ZDHHC1: variants seen among roughly 807,000 people sequenced by gnomAD.
ZDHHC1 encodes the protein zDHHC palmitoyltransferase 1, also known as palmitoyltransferase ZDHHC1.
A neutral mutation model predicts 46.9 loss-of-function variants in ZDHHC1; 45 were observed. The ratio of observed to expected loss-of-function variants is 0.96; its 90% CI spans 0.76 to 1.23. ZDHHC1 has a LOEUF of 1.23. Among genes scored for constraint, ZDHHC1 ranks in the 50% most tolerant of loss-of-function variants. ZDHHC1 has a pLI of 0.00. For missense variants in ZDHHC1, 649 were observed against 670.8 expected (o/e 0.97, Z 0.36); for synonymous variants, 291 against 286.0 (o/e 1.02, Z -0.18).
intron 3 of ZDHHC1, chr16:67,404,595 C>T (rs2040618327): frequency 2.3e-6 from 1 of 437,436 alleles, no homozygotes; most frequent in Non-Finnish European, 4.6e-6. Flanking sequence ...ACCCTGAATG[C>T]GGAGACAAAG....
In ZDHHC1 at chr16:67,401,992, C is replaced by G. The variant is rs1031204045; in HGVS notation, c.253-860G>C. On this transcript the variant is annotated intron_variant, in intron 3 of 11. Transcript: ENST00000565726. The surrounding 1 kb of genome is among the most constrained non-coding windows in gnomAD (Gnocchi z 4.6). ...ACATCATCCCTCCATCATTCATGCT[C>G]TACCCATCATCCATCTGCCATCCTT... Among the ~76,000 whole-genome samples, 3 of 152,238 alleles carry G rather than the reference C, an allele frequency of 2.0e-5. No individual in the cohort carries two copies. Among genetic ancestry groups the G allele is most frequent in the African/African-American group, 7.2e-5 (3 of 41,460 alleles).
chr16:67,415,282 A>C (rs1204470644), intron 1 of ZDHHC1, among the ~76,000 whole-genome samples: 1 of 151,956 alleles, frequency 6.6e-6, no homozygotes, highest in African/African-American at 2.4e-5. Flanking sequence ...AAATAGTAAG[A>C]CCTCATCTCT....
intron 2 of ZDHHC1, among the ~76,000 whole-genome samples, chr16:67,407,087 C>T (rs1037263047): frequency 2.6e-5 from 4 of 152,206 alleles, no homozygotes; most frequent in Non-Finnish European, 5.9e-5. Flanking sequence ...GAAATGACCA[C>T]GTTTCTCTAA....
At position 67,414,939 on chromosome 16, in the gene ZDHHC1, C is replaced by A. The variant is rs377567191; in HGVS notation, c.-39+1232G>T. ...ATCACCTGAGGTCAGGAGTTCAAGA[C>A]CAGCCTGGCCAACATGTTGAAACCC... On this transcript the variant is annotated intron_variant, in intron 1 of 11. Coordinates refer to ENST00000565726, the MANE Select transcript of ZDHHC1 (RefSeq NM_001323627.2). Among the ~76,000 whole-genome samples the A allele has an allele frequency of 1.1e-3, 174 of 152,172 alleles. 4 individuals carry two copies. The South Asian group carries it at 0.034, about 30-fold the overall frequency.
At position 67,406,258 on chromosome 16, in the gene ZDHHC1, A is replaced by C. The variant is rs893548086; in HGVS notation, c.194T>G (p.Ile65Ser). The change falls in exon 3 of 12, where the codon ATC (isoleucine) becomes AGC (serine). Residue 65 changes from isoleucine (I) to serine (S), a missense_variant. Transcript: ENST00000565726. The surrounding 1 kb of genome is among the most constrained non-coding windows in gnomAD (Gnocchi z 4.1). ...GAGGGGAACAAGGATCCCAAAGCCG[A>C]TCACAGCAAAGAAGAGGTACAGCAG... ...AWLLYLFFAV[I>S]GFGILVPLLP... 8 of 1,612,746 alleles carry C rather than the reference A, an allele frequency of 5.0e-6. No homozygotes were observed. Among genetic ancestry groups the C allele is most frequent in the Non-Finnish European group, 1.7e-6 (2 of 1,179,604 alleles).
Position 67,399,445 on chromosome 16 carries a change from G to C in ZDHHC1, c.440C>G (p.Ser147Cys). The C allele has an allele frequency of 2.5e-6, 4 of 1,612,138 alleles. No individual in the cohort carries two copies. Among genetic ancestry groups the C allele is most frequent in the Admixed American group, 1.7e-5 (1 of 59,948 alleles). The change falls in exon 5 of 12, where the codon TCC becomes TGC. Residue 147 changes from serine to cysteine, a missense_variant. By Grantham distance (112) the Ser-to-Cys change is moderately radical. Coordinates refer to ENST00000565726, the MANE Select transcript of ZDHHC1 (RefSeq NM_001323627.2). ...CTTGTTGCAGGCGCTGCAGTGCTTG[G>C]AGCGAGCGCTCCTGCAGGGAGAGGG... is the stretch of plus-strand genomic sequence containing the variant. The part of the protein sequence containing the change: ...NLCNVDVSAR[S>C]KHCSACNKCV...
chr16:67,395,258 G>T lies in ZDHHC1; in HGVS notation c.1033C>A (p.Arg345Ser), dbSNP rs776021982. Residue 345 changes from arginine (R) to serine (S), a missense_variant, in exon 10 of 12, where the codon CGT becomes AGT. By Grantham distance (110) the Arg-to-Ser change is moderately radical (BLOSUM62 -1). Coordinates refer to ENST00000565726, the MANE Select transcript of ZDHHC1 (RefSeq NM_001323627.2). ...GGTGGTGGAGGTTCCGCTTGGCCAC[G>T]GGTGGCAAGAAACTGGGAGGGACTG... ...NANPSQFLAT[R>S]GQAEPPPPSS... 7 of 1,577,442 alleles carry T rather than the reference G, an allele frequency of 4.4e-6. No individual in the cohort carries two copies. The South Asian group carries it at 8.0e-5, about 18-fold the overall frequency.
At chr16:67,395,624 G>A (rs990851506) in intron 8 of ZDHHC1, 58 bp from the exon 9 acceptor site, 22 of 1,511,960 alleles carry the variant, frequency 1.5e-5, no homozygotes, top group Non-Finnish European at 1.9e-5. Context: ...CGAGCCTGCT[G>A]AGCCCTAAGC....
chr16:67,412,818 A>C (rs1297797346), intron 1 of ZDHHC1, among the ~76,000 whole-genome samples: 4 of 150,174 alleles, frequency 2.7e-5, no homozygotes, highest in African/African-American at 9.8e-5. Context: ...TTTTTTTTTT[A>C]AGACGGAGTT....
At position 67,416,378 on chromosome 16, in the gene ZDHHC1, T is replaced by TGGCTCCGGCTCC. The variant is rs57605287; in HGVS notation, c.-258_-247dup. ...CCGGTGAGTCCTCGAGCTCTGGCTC[T>TGGCTCCGGCTCC]GGCTCCGGCTCCGGCTCCGGCTCCG... On this transcript the variant is annotated 5_prime_UTR_variant, in exon 1 of 12. Coordinates refer to ENST00000565726, the MANE Select transcript of ZDHHC1 (RefSeq NM_001323627.2). 2,150 of 202,840 alleles carry TGGCTCCGGCTCC rather than the reference T, an allele frequency of 0.011. 38 individuals carry two copies. The highest frequency in any genetic ancestry group is 0.019 in the African/African-American group (804 of 41,356). 12.6% of individuals were successfully genotyped at this position (202,840 alleles called of 1,614,324 possible). A position where few individuals can be genotyped will look rare whatever the true frequency, so the allele number is the denominator to read the frequency against.
intron 3 of ZDHHC1, chr16:67,404,665 G>A (rs1298628353): frequency 1.1e-5 from 5 of 454,776 alleles, no homozygotes; most frequent in Non-Finnish European, 2.2e-5. Flanking sequence ...TGGCCTCACT[G>A]GGTGCCCGCT....
At position 67,401,400 on chromosome 16, in the gene ZDHHC1, C is replaced by T. The variant is rs2040551268; in HGVS notation, c.253-268G>A. ...TGCTGTCGCCACCTAGGTGCCCAATCGCAGGGTCCTGGCCTCACTGCTCCA... is the reference window on the plus strand; with the variant it reads ...TGCTGTCGCCACCTAGGTGCCCAATTGCAGGGTCCTGGCCTCACTGCTCCA... On this transcript the variant is annotated intron_variant, in intron 3 of 11. Coordinates refer to ENST00000565726, the MANE Select transcript of ZDHHC1 (RefSeq NM_001323627.2). This position sits in a 1 kb window ranked among gnomAD's most constrained non-coding sequence, Gnocchi z 4.6. Among the ~76,000 whole-genome samples, 1 of 152,240 alleles carries T rather than the reference C, an allele frequency of 6.6e-6. No individual in the cohort carries two copies. The highest frequency in any genetic ancestry group is 1.5e-5 in the Non-Finnish European group (1 of 68,038).
At chr16:67,407,122 T>G (rs998963612) in intron 2 of ZDHHC1, among the ~76,000 whole-genome samples, 3 of 152,128 alleles carry the variant, frequency 2.0e-5, no homozygotes, top group African/African-American at 7.2e-5. Context: ...GGTGTACAGT[T>G]TTGTACAGAA....
chr16:67,404,885 G>A (rs2040624928), intron 3 of ZDHHC1, among the ~76,000 whole-genome samples: 1 of 152,228 alleles, frequency 6.6e-6, no homozygotes, highest in Non-Finnish European at 1.5e-5. Context: ...AAGGCATGGG[G>A]TTGTTCATCT....
chr16:67,394,542 A>G lies in ZDHHC1; in HGVS notation c.*68T>C, dbSNP rs954283547. 7 of 1,119,514 alleles carry G rather than the reference A, an allele frequency of 6.3e-6. No individual in the cohort carries two copies. Among genetic ancestry groups the G allele is most frequent in the Non-Finnish European group, 7.6e-6 (7 of 916,340 alleles). The allele number at this position is 1,119,514 out of a possible 1,614,324, so 69.3% of individuals were successfully genotyped here. ...GCCCCTAAAGTGCACTCGGTGCGGC[A>G]AGGATGGGGTGTTGCATAGAGAGTC... On this transcript the variant is annotated 3_prime_UTR_variant, in exon 12 of 12. Coordinates refer to ENST00000565726, the MANE Select transcript of ZDHHC1 (RefSeq NM_001323627.2).
At chr16:67,399,580 G>C in intron 4 of ZDHHC1, 124 bp from the exon 5 acceptor site, 1 of 736,294 alleles carries the variant, frequency 1.4e-6, no homozygotes, top group Non-Finnish European at 2.1e-6. Flanking sequence ...AGCCCCGAGC[G>C]AGGCGACGAG....
At chr16:67,411,911 G>A (rs1302148040) in intron 1 of ZDHHC1, among the ~76,000 whole-genome samples, 5 of 152,140 alleles carry the variant, frequency 3.3e-5, no homozygotes, top group African/African-American at 4.8e-5. Context: ...TCAGGAGTTC[G>A]TGACCAGCCT....
intron 1 of ZDHHC1, among the ~76,000 whole-genome samples, chr16:67,412,864 G>A (rs142003184): frequency 0.027 from 4,091 of 150,430 alleles, 93 homozygotes; most frequent in South Asian, 0.065. Context: ...GCAGTGGTGC[G>A]ATCTTGGCTC....
chr16:67,415,705 C>T (rs1289010381), intron 1 of ZDHHC1, among the ~76,000 whole-genome samples: 3 of 151,944 alleles, frequency 2.0e-5, no homozygotes, highest in South Asian at 4.2e-4. Context: ...TGCAATGACC[C>T]GAGTCGTGCC....
Sources: gnomAD v4.1 joint callset for allele counts (sites outside exome capture counted in the v4.1 genomes callset) on GRCh38, gnomAD v4.1.1 for gene constraint, Gnocchi (gnomAD v3.1) non-coding constraint, MANE v1.5 for transcripts, NCBI Gene and HGNC (gene_info 2026-07-23, HGNC 2026-07-21) for gene names.